Variants in HERC5 observed in about 807,000 individuals in gnomAD.
HERC5 encodes the protein HECT and RLD domain containing E3 ubiquitin protein ligase 5, also known as E3 ISG15--protein ligase HERC5.
HERC5 carries 99 observed loss-of-function variants against 119.6 expected under a neutral mutation model. That is an observed-to-expected ratio of 0.83 (90% CI 0.70 to 0.98). The LOEUF is 0.98. Among genes scored for constraint, HERC5 ranks in the 50% least tolerant of loss-of-function variants. The pLI, the probability that HERC5 is intolerant of heterozygous loss-of-function variation, is 0.00. For synonymous variants in HERC5, 478 were observed against 445.9 expected (o/e 1.07, Z -0.91); for missense variants, 1,267 against 1,241.3 (o/e 1.02, Z -0.31).
At chr4:88,490,481 C>T (rs765428022) in intron 16 of HERC5, among the ~76,000 whole-genome samples, 1 of 152,086 alleles carries the variant, frequency 6.6e-6, no homozygotes, top group Non-Finnish European at 1.5e-5. Flanking sequence ...TATTGGGGAC[C>T]TTAGTTTATC....
intron 16 of HERC5, among the ~76,000 whole-genome samples, chr4:88,489,544 C>T (rs1741567357): frequency 6.6e-6 from 1 of 152,098 alleles, no homozygotes; most frequent in African/African-American, 2.4e-5. Context: ...GAGCAGCAGG[C>T]AAAGTGGTTG....
chr4:88,502,300 G>C (rs1384727365), intron 20 of HERC5, among the ~76,000 whole-genome samples: 1 of 152,158 alleles, frequency 6.6e-6, no homozygotes, highest in Non-Finnish European at 1.5e-5. Context: ...AATTCATTTG[G>C]ATATTGATAT....
intron 11 of HERC5, 31 bp from the exon 12 acceptor site, chr4:88,475,810 A>T (rs926472372): frequency 3.1e-6 from 5 of 1,596,930 alleles, no homozygotes; most frequent in Non-Finnish European, 4.3e-6. Flanking sequence ...TGAGTTTTGA[A>T]TCCCTTTTCC....
chr4:88,476,680 G>A (rs1019031719), intron 12 of HERC5, among the ~76,000 whole-genome samples: 1 of 152,108 alleles, frequency 6.6e-6, no homozygotes, highest in Non-Finnish European at 1.5e-5. Flanking sequence ...CAGCACTTTG[G>A]GAGGCTGAGG....
chr4:88,499,183 C>T (rs1741881663), intron 18 of HERC5, among the ~76,000 whole-genome samples: 1 of 152,176 alleles, frequency 6.6e-6, no homozygotes, highest in Non-Finnish European at 1.5e-5. Flanking sequence ...GTGAGACTCC[C>T]ATCAGCATAC....
intron 13 of HERC5, 23 bp downstream of exon 13, chr4:88,479,530 C>T: frequency 6.6e-7 from 1 of 1,523,970 alleles, no homozygotes; most frequent in South Asian, 1.3e-5. Context: ...TTAGAAACCT[C>T]TGTGTTTTTA....
intron 19 of HERC5, 77 bp downstream of exon 19, chr4:88,500,069 C>A (rs1354741000): frequency 5.8e-6 from 5 of 866,338 alleles, no homozygotes; most frequent in Admixed American, 2.4e-5. Context: ...AACATGTCAA[C>A]TTTTACTTAA....
At chr4:88,484,355 T>C (rs1453708633) in intron 13 of HERC5, among the ~76,000 whole-genome samples, 8 of 152,212 alleles carry the variant, frequency 5.3e-5, no homozygotes. Context: ...GTGTGAGAGC[T>C]GTCTGTTTTC....
At position 88,501,123 on chromosome 4, in the gene HERC5, G is replaced by A. The variant is rs75376862; in HGVS notation, c.2582+138G>A. The stretch of plus-strand genomic sequence containing the variant: ...TAAGGCAGAGAAGTTGGTGTGTGTT[G>A]TATGTGTTTTGACATATATATCATG... On this transcript the variant is annotated intron_variant, in intron 20 of 22. Coordinates refer to ENST00000264350, the MANE Select transcript of HERC5 (RefSeq NM_016323.4). 3.3e-3 allele frequency: 2,001 copies of A among 602,628 alleles called. 5 individuals carry two copies. Among genetic ancestry groups the A allele is most frequent in the Non-Finnish European group, 4.9e-3 (1,700 of 347,114 alleles). The allele number at this position is 602,628 out of a possible 1,614,324, so 37.3% of individuals were successfully genotyped here. A position where few individuals can be genotyped will look rare whatever the true frequency, so the allele number is the denominator to read the frequency against.
At chr4:88,486,081 A>G (rs1208457942) in intron 13 of HERC5, 34 bp from the exon 14 acceptor site, 7 of 1,364,424 alleles carry the variant, frequency 5.1e-6, no homozygotes, top group Non-Finnish European at 7.2e-6. Flanking sequence ...GTCTTTAAAT[A>G]TAAAACTTTT....
intron 6 of HERC5, among the ~76,000 whole-genome samples, chr4:88,465,939 A>ATT (rs1275076445): frequency 6.6e-6 from 1 of 152,210 alleles, no homozygotes; most frequent in Non-Finnish European, 1.5e-5. Context: ...TTGCCAGCCA[A>ATT]TCAGAGAAAT....
In HERC5 at chr4:88,469,667, T is replaced by C. The variant is rs143417798; in HGVS notation, c.1238+407T>C. On this transcript the variant is annotated intron_variant, in intron 9 of 22. Transcript: ENST00000264350. The stretch of plus-strand genomic sequence containing the variant: ...AACTGGATGAGGCTCACTCACATTA[T>C]GGAAGGTCCTTTCTTTTTATTCACT... 3.9e-3 allele frequency among the ~76,000 whole-genome samples: 598 copies of C among 152,372 alleles called. 10 individuals carry two copies. In the East Asian group the frequency reaches 0.059, roughly 15 times the overall value.
At position 88,479,506 on chromosome 4, in the gene HERC5, G is replaced by A; in HGVS notation, c.1736G>A (p.Arg579Lys). 6.4e-7 allele frequency: 1 copy of A among 1,568,112 alleles called. No homozygotes were observed. Among genetic ancestry groups the A allele is most frequent in the Non-Finnish European group, 8.6e-7 (1 of 1,162,530 alleles). ...ALLEMLKKLH[R>K]VNQVKCQLPE... ...CTAGAAATGTTGAAGAAGCTGCACA[G>A]GGTAAGAGTTCCTTTAGAAACCTCT... The change falls in exon 13 of 23, where the codon AGG becomes AAG. Residue 579 changes from arginine to lysine, a missense_variant and splice_region_variant. Physicochemically the swap from Arg to Lys is conservative, Grantham distance 26. Around this residue, in one of 3 missense-constraint regions of HERC5, gnomAD observed 777 missense variants for 758.0 expected, o/e 1.03. Transcript: ENST00000264350.
chr4:88,465,099 G>A (rs991621636), intron 6 of HERC5, among the ~76,000 whole-genome samples: 2 of 152,124 alleles, frequency 1.3e-5, no homozygotes, highest in Non-Finnish European at 2.9e-5. Flanking sequence ...ATTTTTAGTA[G>A]AGTCGGGGTT....
chr4:88,460,352 T>C (rs1468009694), intron 3 of HERC5, among the ~76,000 whole-genome samples, 181 bp downstream of exon 3: 1 of 152,232 alleles, frequency 6.6e-6, no homozygotes, highest in African/African-American at 2.4e-5. Flanking sequence ...CTGTAAAATG[T>C]TCAGGTTTCC....
Position 88,470,647 on chromosome 4 carries a change from T to C in HERC5, c.1272T>C (p.Cys424=), listed in dbSNP as rs1740837807. The change falls in exon 10 of 23, where the codon TGT becomes TGC. Residue 424 remains cysteine (C), a synonymous_variant. Coordinates refer to ENST00000264350, the MANE Select transcript of HERC5 (RefSeq NM_016323.4). The part of the protein sequence containing the change: ...EIQEIFSSPA[C]LTGSFLRKRR... ...AAGAGATATTTTCATCTCCTGCTTG[T>C]CTAACTGGAAGTTTTTTAAGGAAAA... 1.3e-6 allele frequency: 2 copies of C among 1,510,908 alleles called. No individual in the cohort carries two copies. The highest frequency in any genetic ancestry group is 1.8e-6 in the Non-Finnish European group (2 of 1,091,676). The allele number at this position is 1,510,908 out of a possible 1,614,324, so 93.6% of individuals were successfully genotyped here.
intron 12 of HERC5, 60 bp from the exon 13 acceptor site, chr4:88,479,293 A>AG (rs1468709994): frequency 7.0e-7 from 1 of 1,430,014 alleles, no homozygotes; most frequent in Non-Finnish European, 9.4e-7. Flanking sequence ...TCAAAAAAAA[A>AG]AAAAAAAAAG....
chr4:88,467,066 A>G lies in HERC5; in HGVS notation c.919A>G (p.Thr307Ala), dbSNP rs1433875324. 2.5e-6 allele frequency: 4 copies of G among 1,614,012 alleles called. No homozygotes were observed. The Admixed American group carries it at 6.7e-5, about 27-fold the overall frequency. ...VTQIACGRWH[T>A]LAYVSDLGKV... ...TGTGCTTTTATTTAATAGGTGGCAC[A>G]CACTTGCCTATGTTTCTGATTTGGG... Residue 307 changes from threonine to alanine, a missense_variant, in exon 7 of 23, where the codon ACA (threonine) becomes GCA (alanine). Around this residue, in one of 3 missense-constraint regions of HERC5, gnomAD observed 777 missense variants for 758.0 expected, o/e 1.03. Coordinates refer to ENST00000264350, the MANE Select transcript of HERC5 (RefSeq NM_016323.4).
At chr4:88,459,845 T>C (rs1740354048) in intron 2 of HERC5, among the ~76,000 whole-genome samples, 1 of 152,194 alleles carries the variant, frequency 6.6e-6, no homozygotes, top group Non-Finnish European at 1.5e-5. Context: ...TTAGAACTCA[T>C]TTTCATCTTG....
Sources: gnomAD v4.1 joint callset for allele counts (sites outside exome capture counted in the v4.1 genomes callset) on GRCh38, gnomAD v4.1.1 for gene constraint, gnomAD v4.1.1 regional missense constraint, MANE v1.5 for transcripts, NCBI Gene and HGNC (gene_info 2026-07-23, HGNC 2026-07-21) for gene names.